EEPD1: variants seen among roughly 807,000 people sequenced by gnomAD.
EEPD1 encodes the protein endonuclease/exonuclease/phosphatase family domain containing 1.
A neutral mutation model predicts 46.3 loss-of-function variants in EEPD1; 17 were observed. The observed-to-expected ratio is 0.37, with a 90% CI of 0.25 to 0.55. The LOEUF (loss-of-function observed/expected upper bound fraction) is 0.55. Among genes scored for constraint, EEPD1 ranks in the 20% least tolerant of loss-of-function variants. The probability of loss-of-function intolerance (pLI) is 0.83; values close to 1 mark genes in which losing one functional copy is unlikely to be tolerated. For missense variants in EEPD1, 673 were observed against 745.6 expected (o/e 0.90, Z 1.13); for synonymous variants, 313 against 315.6 (o/e 0.99, Z 0.09).
intron 4 of EEPD1, 120 bp downstream of exon 4, chr7:36,281,345 C>A: frequency 1.1e-6 from 1 of 897,758 alleles, no homozygotes. Context: ...TGTATTTCTG[C>A]CCAATTTTTA....
intron 4 of EEPD1, among the ~76,000 whole-genome samples, chr7:36,281,594 A>G (rs1787262746): frequency 6.6e-6 from 1 of 152,218 alleles, no homozygotes; most frequent in Non-Finnish European, 1.5e-5. Flanking sequence ...ACCTTAGTTC[A>G]CACATGAAGT....
chr7:36,239,368 G>T (rs1454453240), intron 3 of EEPD1, among the ~76,000 whole-genome samples: 1 of 152,068 alleles, frequency 6.6e-6, no homozygotes, highest in Non-Finnish European at 1.5e-5. Flanking sequence ...GCATGCCGGA[G>T]TCTGTGTTGG....
In EEPD1 at chr7:36,255,306, A is replaced by G. The variant is rs558923815; in HGVS notation, c.930+16270A>G. Among the ~76,000 whole-genome samples, 6 of 152,206 alleles carry G rather than the reference A, an allele frequency of 3.9e-5. 1 individual carries two copies. In the South Asian group the frequency reaches 1.0e-3, roughly 26 times the overall value. On this transcript the variant is annotated intron_variant, in intron 3 of 7. Transcript: ENST00000242108. Reference sequence around the variant, plus strand: ...TAAGTCTTTAATCCATCTTGAGTTAATTTTTGTATAAAGTGCAAGGAAGGG... The same window carrying G: ...TAAGTCTTTAATCCATCTTGAGTTAGTTTTTGTATAAAGTGCAAGGAAGGG...
At chr7:36,294,944 G>A (rs1185781340) in intron 6 of EEPD1, among the ~76,000 whole-genome samples, 2 of 152,194 alleles carry the variant, frequency 1.3e-5, no homozygotes, top group South Asian at 2.1e-4. Flanking sequence ...TTGGGAAGCC[G>A]AAGTGAGCGG....
At chr7:36,223,600 A>G (rs970471097) in intron 2 of EEPD1, among the ~76,000 whole-genome samples, 1 of 152,200 alleles carries the variant, frequency 6.6e-6, no homozygotes, top group East Asian at 1.9e-4. Context: ...TGAATAAATA[A>G]AAAGCAGTGC....
At chr7:36,192,356 G>A (rs557383484) in intron 2 of EEPD1, among the ~76,000 whole-genome samples, 2 of 152,200 alleles carry the variant, frequency 1.3e-5, no homozygotes, top group African/African-American at 2.4e-5. Flanking sequence ...CACCAGATGC[G>A]TTTCTGAGCA....
intron 2 of EEPD1, among the ~76,000 whole-genome samples, chr7:36,181,486 C>T (rs1169551057): frequency 6.6e-6 from 1 of 152,202 alleles, no homozygotes; most frequent in South Asian, 2.1e-4. Flanking sequence ...CACAGCCTGA[C>T]ACCTAGGAGG....
intron 3 of EEPD1, among the ~76,000 whole-genome samples, chr7:36,241,356 C>T (rs1351845352): frequency 6.6e-6 from 1 of 151,602 alleles, no homozygotes; most frequent in East Asian, 2.0e-4. Flanking sequence ...ACCTGTAGTC[C>T]CAGCTACTCA....
At chr7:36,204,415 A>G (rs1374141690) in intron 2 of EEPD1, among the ~76,000 whole-genome samples, 1 of 148,584 alleles carries the variant, frequency 6.7e-6, no homozygotes, top group Non-Finnish European at 1.5e-5. Context: ...AGCAGCAATG[A>G]TGATGAGGAG....
rs539268379 is a variant in EEPD1 at position 36,299,486 on chromosome 7, G to T, written c.*280G>T. Reference sequence around the variant, plus strand: ...CACAGACCTGAGCAGCATTGGGCTGGCTGTCCGCTGCTGACTGGATGGCAG... The same window carrying T: ...CACAGACCTGAGCAGCATTGGGCTGTCTGTCCGCTGCTGACTGGATGGCAG... On this transcript the variant is annotated 3_prime_UTR_variant, in exon 8 of 8. Coordinates refer to ENST00000242108, the MANE Select transcript of EEPD1 (RefSeq NM_030636.3). 3.5e-5 allele frequency: 16 copies of T among 460,620 alleles called. No homozygotes were observed. The highest frequency in any genetic ancestry group is 2.9e-4 in the African/African-American group (15 of 51,238). 28.5% of individuals were successfully genotyped at this position (460,620 alleles called of 1,614,324 possible).
intron 4 of EEPD1, among the ~76,000 whole-genome samples, chr7:36,282,948 AG>A (rs1164046003): frequency 6.6e-6 from 1 of 152,250 alleles, no homozygotes; most frequent in African/African-American, 2.4e-5. Flanking sequence ...ATATATCTGC[AG>A]GTTGAAAATG....
At chr7:36,235,257 A>G (rs192098102) in intron 2 of EEPD1, among the ~76,000 whole-genome samples, 1 of 152,114 alleles carries the variant, frequency 6.6e-6, no homozygotes, top group African/African-American at 2.4e-5. Flanking sequence ...CCACCTGCTC[A>G]TTGTGTCCAT....
At chr7:36,170,981 G>A (rs1467561222) in intron 2 of EEPD1, among the ~76,000 whole-genome samples, 7 of 152,268 alleles carry the variant, frequency 4.6e-5, no homozygotes, top group African/African-American at 1.7e-4. Flanking sequence ...GAGTACAGTG[G>A]CCTGATCACA....
At chr7:36,200,778 A>T (rs1444154929) in intron 2 of EEPD1, among the ~76,000 whole-genome samples, 1 of 152,182 alleles carries the variant, frequency 6.6e-6, no homozygotes, top group East Asian at 1.9e-4. Context: ...GTCACCAAGT[A>T]TCTCATCTCC....
At chr7:36,239,209 A>G (rs954236778) in intron 3 of EEPD1, among the ~76,000 whole-genome samples, 173 bp downstream of exon 3, 2 of 152,052 alleles carry the variant, frequency 1.3e-5, no homozygotes, top group East Asian at 1.9e-4. Flanking sequence ...TACCTTGCTG[A>G]CATTGTGTTC....
intron 3 of EEPD1, among the ~76,000 whole-genome samples, chr7:36,277,012 T>G (rs1787191943): frequency 6.6e-6 from 1 of 152,240 alleles, no homozygotes; most frequent in African/African-American, 2.4e-5. Context: ...TTCTTCCTTT[T>G]GTAGGCAAAG....
rs1787621613 is a variant in EEPD1, at chr7:36,301,499, G to A, written c.*2293G>A. ...ACTTGTATTCATTATTAGCTACAGT[G>A]TTCATAGTTTATATTAAAGTTCACT... On this transcript the variant is annotated 3_prime_UTR_variant, in exon 8 of 8. Coordinates refer to ENST00000242108, the MANE Select transcript of EEPD1 (RefSeq NM_030636.3). The A allele has an allele frequency of 6.6e-6, 1 of 152,192 alleles. No homozygotes were observed. The allele number at this position is 152,192 out of a possible 1,614,324, so 9.4% of individuals were successfully genotyped here.
chr7:36,195,032 C>A (rs892258028), intron 2 of EEPD1, among the ~76,000 whole-genome samples: 8 of 152,198 alleles, frequency 5.3e-5, no homozygotes, highest in African/African-American at 1.9e-4. Context: ...TCCACATCCT[C>A]TTTTGTTCAT....
chr7:36,235,360 G>A (rs751088864), intron 2 of EEPD1, among the ~76,000 whole-genome samples: 25 of 152,268 alleles, frequency 1.6e-4, no homozygotes, highest in Non-Finnish European at 2.9e-4. Context: ...GTTGCTGGCT[G>A]TAGCCTCAGT....
Sources: gnomAD v4.1 joint callset for allele counts (sites outside exome capture counted in the v4.1 genomes callset) on GRCh38, gnomAD v4.1.1 for gene constraint, MANE v1.5 for transcripts, NCBI Gene and HGNC (gene_info 2026-07-23, HGNC 2026-07-21) for gene names.